SASH1: variants seen among roughly 807,000 people sequenced by gnomAD.
The protein encoded by SASH1 is SAM and SH3 domain-containing protein 1.
Under a neutral mutation model 125.2 loss-of-function variants are expected in SASH1, and 44 were observed. That is an observed-to-expected ratio of 0.35 (90% CI 0.28 to 0.45). SASH1 has a LOEUF of 0.45. Ranked by LOEUF, SASH1 falls within the 20% of genes least tolerant of loss-of-function variation. SASH1 has a pLI of 1.00. For synonymous variants in SASH1, 639 were observed against 649.1 expected (o/e 0.98, Z 0.24); for missense variants, 1,426 against 1,614.5 (o/e 0.88, Z 2.00).
At chr6:148,494,677 G>C (rs1230190601) in intron 8 of SASH1, among the ~76,000 whole-genome samples, 1 of 152,112 alleles carries the variant, frequency 6.6e-6, no homozygotes, top group Non-Finnish European at 1.5e-5. Flanking sequence ...ATAACTGTGG[G>C]CTTGTGGCCT....
rs146046178 is a variant in SASH1, at chr6:148,462,839, T to C, written c.387-5706T>C. Among the ~76,000 whole-genome samples the C allele has an allele frequency of 3.2e-4, 49 of 152,274 alleles. No individual in the cohort carries two copies. In the East Asian group the frequency reaches 9.1e-3, roughly 28 times the overall value. On this transcript the variant is annotated intron_variant, in intron 4 of 19. Coordinates refer to ENST00000367467, the MANE Select transcript of SASH1 (RefSeq NM_015278.5). ...GGAGTCTGGGGAAGAGGGTGAGGTGTTGAACTCAGGAGTCAGAGACGTGGC... is the reference window on the plus strand; with the variant it reads ...GGAGTCTGGGGAAGAGGGTGAGGTGCTGAACTCAGGAGTCAGAGACGTGGC...
rs193126634 is a variant in SASH1, at chr6:148,426,874, C to A, written c.286-13310C>A. ...TAGTGGTCGGGCACGGTGGCTCACA[C>A]GGGTAATCCCAGCACTTTGGGAGGC... is the stretch of plus-strand genomic sequence containing the variant. On this transcript the variant is annotated intron_variant, in intron 2 of 19. Coordinates refer to ENST00000367467, the MANE Select transcript of SASH1 (RefSeq NM_015278.5). 5.3e-5 allele frequency among the ~76,000 whole-genome samples: 8 copies of A among 152,288 alleles called. No homozygotes were observed. In the South Asian group the frequency reaches 1.5e-3, roughly 28 times the overall value.
chr6:148,437,903 G>A (rs1214699481), intron 2 of SASH1, among the ~76,000 whole-genome samples: 1 of 152,132 alleles, frequency 6.6e-6, no homozygotes, highest in Non-Finnish European at 1.5e-5. Flanking sequence ...TACCATATAT[G>A]TTACGTTTGT....
chr6:148,408,264 C>A (rs961442833), intron 2 of SASH1, among the ~76,000 whole-genome samples: 2 of 151,132 alleles, frequency 1.3e-5, no homozygotes, highest in Non-Finnish European at 2.9e-5. Context: ...CCCGCCACCA[C>A]GCCCGGCTAA....
At chr6:148,303,219 AT>A (rs1780022201) in intron 1 of SASH1, among the ~76,000 whole-genome samples, 1 of 151,980 alleles carries the variant, frequency 6.6e-6, no homozygotes, top group Admixed American at 6.6e-5. Flanking sequence ...ACCTCAGGTG[AT>A]CCACCCACCT....
chr6:148,386,953 A>G (rs1328784591), intron 1 of SASH1, among the ~76,000 whole-genome samples: 1 of 152,048 alleles, frequency 6.6e-6, no homozygotes. Flanking sequence ...TGAATCAAGG[A>G]GGATGCCCTG....
At chr6:148,387,566 C>CTCTTTCTTTCTTTCCT (rs1783441732) in intron 1 of SASH1, among the ~76,000 whole-genome samples, 1 of 70,040 alleles carries the variant, frequency 1.4e-5, no homozygotes, top group Non-Finnish European at 2.9e-5. Context: ...TCTTTCTTTT[C>CTCTTTCTTTCTTTCCT]TCTTTCTTTC....
At chr6:148,241,447 A>G in the SASH1 span, among the ~76,000 whole-genome samples, 1 of 152,244 alleles carries the variant, frequency 6.6e-6, no homozygotes, top group African/African-American at 2.4e-5. Context: ...AAATACATGC[A>G]TTGAGATGAG....
Position 148,519,489 on chromosome 6 carries a change from A to G in SASH1, c.863-58A>G. 1 of 1,277,926 alleles carries G rather than the reference A, an allele frequency of 7.8e-7. No individual in the cohort carries two copies. Among genetic ancestry groups the G allele is most frequent in the Non-Finnish European group, 1.1e-6 (1 of 896,310 alleles). The allele number at this position is 1,277,926 out of a possible 1,614,324, so 79.2% of individuals were successfully genotyped here. On this transcript the variant is annotated intron_variant, in intron 9 of 19. Coordinates refer to ENST00000367467, the MANE Select transcript of SASH1 (RefSeq NM_015278.5). The surrounding 1 kb of genome is among the most constrained non-coding windows in gnomAD (Gnocchi z 4.8). The stretch of plus-strand genomic sequence containing the variant: ...GGAGAAAGGTGGTGAATGTAAAGAA[A>G]GATGTATGCAAGAATGCAAAGGTGT...
At chr6:148,525,501 C>A in intron 11 of SASH1, 136 bp downstream of exon 11, 2 of 716,354 alleles carry the variant, frequency 2.8e-6, no homozygotes, top group South Asian at 1.6e-5. Context: ...TGGAAAAAAG[C>A]TCTATTTCAC....
rs1400422623 is a variant in SASH1 at position 148,546,016 on chromosome 6, A to G, written c.3350A>G (p.His1117Arg). 1.2e-6 allele frequency: 2 copies of G among 1,613,100 alleles called. No individual in the cohort carries two copies. The highest frequency in any genetic ancestry group is 1.7e-6 in the Non-Finnish European group (2 of 1,179,750). Residue 1117 changes from histidine (H) to arginine (R), a missense_variant and splice_region_variant, in exon 19 of 20, where the codon CAT becomes CGT. His to Arg is a conservative substitution (Grantham distance 29, BLOSUM62 0). Coordinates refer to ENST00000367467, the MANE Select transcript of SASH1 (RefSeq NM_015278.5). ...TCATATTCCTGTTCTCCCTGGCAGCATGGCCGCTGTGGGATTCCTGAAGCC... is the reference window on the plus strand; with the variant it reads ...TCATATTCCTGTTCTCCCTGGCAGCGTGGCCGCTGTGGGATTCCTGAAGCC... ...DLTEEPYSDK[H>R]GRCGIPEALV...
chr6:148,527,547 C>G lies in SASH1; in HGVS notation c.1379C>G (p.Thr460Arg), dbSNP rs141145744. 3.7e-6 allele frequency: 6 copies of G among 1,610,342 alleles called. No individual in the cohort carries two copies. The highest frequency in any genetic ancestry group is 5.1e-6 in the Non-Finnish European group (6 of 1,178,906). Residue 460 changes from threonine to arginine, a missense_variant, in exon 12 of 20, where the codon ACG becomes AGG. By Grantham distance (71) the Thr-to-Arg change is moderately conservative. This residue lies in a region of SASH1 where 225 missense variants were observed against 344.5 expected (regional missense o/e 0.65). Coordinates refer to ENST00000367467, the MANE Select transcript of SASH1 (RefSeq NM_015278.5). The stretch of plus-strand genomic sequence containing the variant: ...AAAAAGGTGAAATCAGTGAAAGAGA[C>G]GATGAGAAAGAGAATGTCTAAAAAA... Reference protein sequence around the residue: ...LGKKVKSVKETMRKRMSKKYS... With the variant: ...LGKKVKSVKERMRKRMSKKYS...
At chr6:148,343,260 A>T (rs765966248) in intron 1 of SASH1, 37 bp downstream of exon 1, 1 of 1,548,416 alleles carries the variant, frequency 6.5e-7, no homozygotes, top group Non-Finnish European at 8.7e-7. Flanking sequence ...CAGGAAGTAC[A>T]GTTCGCAGCA....
At chr6:148,349,357 A>T (rs560272602) in intron 1 of SASH1, among the ~76,000 whole-genome samples, 1 of 134,522 alleles carries the variant, frequency 7.4e-6, no homozygotes, top group Non-Finnish European at 1.5e-5. Flanking sequence ...TCAACCTTCC[A>T]GGTTCAAGCA....
At chr6:148,447,750 C>A (rs1463691776) in intron 4 of SASH1, among the ~76,000 whole-genome samples, 1 of 147,688 alleles carries the variant, frequency 6.8e-6, no homozygotes, top group African/African-American at 2.5e-5. Context: ...CCTCCTCCTC[C>A]TCCTCGTCCT....
At position 148,471,404 on chromosome 6, in the gene SASH1, T is replaced by C; in HGVS notation, c.428-13T>C. ...TTTTGTTCTTTTTTTTTTTTTTTTT[T>C]TTTTTTTTTAAGGAAAAGGAGACTG... On this transcript the variant is annotated splice_polypyrimidine_tract_variant and intron_variant, in intron 5 of 19. Coordinates refer to ENST00000367467, the MANE Select transcript of SASH1 (RefSeq NM_015278.5). 7.5e-7 allele frequency: 1 copy of C among 1,333,642 alleles called. No individual in the cohort carries two copies. The highest frequency in any genetic ancestry group is 1.0e-6 in the Non-Finnish European group (1 of 988,366). The allele number at this position is 1,333,642 out of a possible 1,614,324, so 82.6% of individuals were successfully genotyped here. A position where few individuals can be genotyped will look rare whatever the true frequency, so the allele number is the denominator to read the frequency against.
intron 2 of SASH1, among the ~76,000 whole-genome samples, chr6:148,429,064 A>C (rs1775946439): frequency 6.6e-6 from 1 of 152,204 alleles, no homozygotes; most frequent in Admixed American, 6.5e-5. Context: ...AAAAGTGATT[A>C]AACATTACAA....
At chr6:148,298,685 GGAAGGAAGGAAGGAAGGAAGGAAGGAA>G (rs1361333000) in intron 1 of SASH1, among the ~76,000 whole-genome samples, 5 of 81,688 alleles carry the variant, frequency 6.1e-5, no homozygotes, top group Admixed American at 1.2e-4. Flanking sequence ...AAGGAAGGAA[GGAAGGAAGGAAGGAAGGAAGGAAGGAA>G]GAAGGAAGGG....
chr6:148,199,141 A>G, the SASH1 span, among the ~76,000 whole-genome samples: 3,753 of 152,238 alleles, frequency 0.025, 60 homozygotes, highest in East Asian at 0.06. Flanking sequence ...CAGCACTTTG[A>G]GAGGCCAAGG....
Sources: allele counts gnomAD v4.1 joint callset (sites outside exome capture counted in the v4.1 genomes callset), GRCh38; gene constraint gnomAD v4.1.1; regional missense constraint gnomAD v4.1.1; non-coding constraint Gnocchi (gnomAD v3.1); transcripts MANE v1.5; gene names NCBI Gene and HGNC (gene_info 2026-07-23, HGNC 2026-07-21).